The following ALG6 variants were observed in gnomAD, a reference collection of about 807,000 sequenced individuals.
ALG6 encodes the protein ALG6 alpha-1,3-glucosyltransferase.
ALG6 carries 46 observed loss-of-function variants against 66.6 expected under a neutral mutation model. The ratio of observed to expected loss-of-function variants is 0.69; its 90% CI spans 0.55 to 0.88. The LOEUF is 0.88. Among genes scored for constraint, ALG6 ranks in the 40% least tolerant of loss-of-function variants. ALG6 has a pLI of 0.00. For missense variants in ALG6, 505 were observed against 586.8 expected, an observed-to-expected ratio of 0.86 and a Z score of 1.44; for synonymous variants, 185 against 203.7, an observed-to-expected ratio of 0.91 and a Z score of 0.78.
chr1:63,419,146 G>C (rs1644560667), intron 11 of ALG6, among the ~76,000 whole-genome samples: 1 of 152,034 alleles, frequency 6.6e-6, no homozygotes, highest in Non-Finnish European at 1.5e-5. Flanking sequence ...GATGAACTTA[G>C]ATGGTTAAAT....
At chr1:63,410,040 C>T (rs1196648479) in intron 7 of ALG6, among the ~76,000 whole-genome samples, 1 of 152,136 alleles carries the variant, frequency 6.6e-6, no homozygotes, top group Non-Finnish European at 1.5e-5. Context: ...GCACATACTA[C>T]TCAAAGACTG....
chr1:63,406,184 G>A (rs1184992588), intron 5 of ALG6, 133 bp from the exon 6 acceptor site: 5 of 766,204 alleles, frequency 6.5e-6, no homozygotes, highest in African/African-American at 1.7e-5. Flanking sequence ...TGCTGACTGT[G>A]TAAAGGACTT....
chr1:63,417,039 C>CT (rs1644549027), intron 11 of ALG6, among the ~76,000 whole-genome samples: 1 of 152,090 alleles, frequency 6.6e-6, no homozygotes, highest in Middle Eastern at 3.2e-3. Flanking sequence ...AAAAGGATAG[C>CT]TTTATGTTCC....
At position 63,437,954 on chromosome 1, in the gene ALG6, A is replaced by T. The variant is rs1644696094; in HGVS notation, c.*934A>T. 6.6e-6 allele frequency: 1 copy of T among 152,168 alleles called. No individual in the cohort carries two copies. The highest frequency in any genetic ancestry group is 1.5e-5 in the Non-Finnish European group (1 of 68,032). The allele number at this position is 152,168 out of a possible 1,614,324, so 9.4% of individuals were successfully genotyped here. A position where few individuals can be genotyped will look rare whatever the true frequency, so the allele number is the denominator to read the frequency against. ...TTATAGTATTCAACTGGTAAAAATA[A>T]TACATGATATCCATGTTGCAGTTTC... On this transcript the variant is annotated 3_prime_UTR_variant, in exon 15 of 15. Transcript: ENST00000263440.
intron 2 of ALG6, among the ~76,000 whole-genome samples, chr1:63,381,621 G>C (rs1648310420): frequency 6.6e-6 from 1 of 151,680 alleles, no homozygotes. Context: ...CTCCAGCCTG[G>C]GTGACAGAAC....
intron 5 of ALG6, among the ~76,000 whole-genome samples, chr1:63,405,872 C>T (rs1430109925): frequency 6.6e-6 from 1 of 151,188 alleles, no homozygotes; most frequent in Non-Finnish European, 1.5e-5. Flanking sequence ...ACCTGGGTTT[C>T]TCAAGCTCTT....
chr1:63,368,422 A>G (rs1179196141), intron 1 of ALG6, among the ~76,000 whole-genome samples: 2 of 152,204 alleles, frequency 1.3e-5, no homozygotes, highest in Non-Finnish European at 2.9e-5. Context: ...AGTGGGGAAC[A>G]GAGAGCAACG....
At chr1:63,382,580 TCTC>T (rs1325910323) in intron 2 of ALG6, among the ~76,000 whole-genome samples, 3 of 151,978 alleles carry the variant, frequency 2.0e-5, no homozygotes, top group Non-Finnish European at 2.9e-5. Context: ...TTCAAGCAGT[TCTC>T]CTGCCTCAGC....
At chr1:63,401,053 G>C (rs536455434) in intron 3 of ALG6, among the ~76,000 whole-genome samples, 1 of 152,026 alleles carries the variant, frequency 6.6e-6, no homozygotes, top group Non-Finnish European at 1.5e-5. Flanking sequence ...TCTTAGACTC[G>C]CTGCTTCTTG....
chr1:63,381,115 T>C (rs1013354364), intron 2 of ALG6, among the ~76,000 whole-genome samples: 3 of 151,560 alleles, frequency 2.0e-5, no homozygotes, highest in African/African-American at 7.3e-5. Context: ...AGCCCAAAAG[T>C]TTGAGTCCAG....
chr1:63,382,752 T>G (rs2100391235), intron 2 of ALG6, among the ~76,000 whole-genome samples: 1 of 147,984 alleles, frequency 6.8e-6, no homozygotes, highest in Non-Finnish European at 1.5e-5. Context: ...CTCGGCTCAC[T>G]GCAAGCTCTG....
chr1:63,409,379 C>A (rs1165729070), intron 7 of ALG6, among the ~76,000 whole-genome samples: 1 of 151,986 alleles, frequency 6.6e-6, no homozygotes, highest in Non-Finnish European at 1.5e-5. Context: ...GACTCATGTT[C>A]TTCTGTTCTG....
In ALG6 at chr1:63,399,416, G is replaced by T. The variant is rs576559449; in HGVS notation, c.167+2819G>T. ...GGGAGGGGATTGTATGCACGCAGGA[G>T]TCTGAACAGCAGGAGATGGTGTTCT... On this transcript the variant is annotated intron_variant, in intron 3 of 14. Transcript: ENST00000263440. 7.9e-5 allele frequency among the ~76,000 whole-genome samples: 12 copies of T among 152,320 alleles called. 1 individual carries two copies. Among genetic ancestry groups the T allele is most frequent in the African/African-American group, 2.6e-4 (11 of 41,562 alleles).
intron 2 of ALG6, among the ~76,000 whole-genome samples, chr1:63,371,599 T>C (rs1179078123): frequency 6.6e-6 from 1 of 151,018 alleles, no homozygotes; most frequent in Non-Finnish European, 1.5e-5. Context: ...CATTTTATTT[T>C]ATTTTATTTT....
chr1:63,435,236 T>G (rs1470455080), intron 14 of ALG6, among the ~76,000 whole-genome samples: 1 of 152,176 alleles, frequency 6.6e-6, no homozygotes, highest in Non-Finnish European at 1.5e-5. Flanking sequence ...GAGAGGGTTT[T>G]TGTTCTGTTT....
chr1:63,430,087 C>T (rs544945863), intron 14 of ALG6, among the ~76,000 whole-genome samples: 7 of 152,124 alleles, frequency 4.6e-5, no homozygotes, highest in South Asian at 2.1e-4. Context: ...TTCAGTATGT[C>T]GGCCAAGCTG....
At chr1:63,416,198 G>A (rs1644545366) in intron 11 of ALG6, among the ~76,000 whole-genome samples, 1 of 152,128 alleles carries the variant, frequency 6.6e-6, no homozygotes, top group South Asian at 2.1e-4. Flanking sequence ...GGACTACAAA[G>A]TAGAAAACAG....
Position 63,395,602 on chromosome 1 carries a change from T to C in ALG6, c.83-911T>C, listed in dbSNP as rs147759805. Among the ~76,000 whole-genome samples the C allele has an allele frequency of 9.5e-3, 1,452 of 152,222 alleles. 12 individuals carry two copies. The highest frequency in any genetic ancestry group is 0.016 in the Non-Finnish European group (1,085 of 68,002). Reference sequence around the variant, plus strand: ...CCCAGCTACTCGGGAGGCTGAATCATGAGAACCGCTTGAACCCCAGAGGTG... The same window carrying C: ...CCCAGCTACTCGGGAGGCTGAATCACGAGAACCGCTTGAACCCCAGAGGTG... On this transcript the variant is annotated intron_variant, in intron 2 of 14. Coordinates refer to ENST00000263440, the MANE Select transcript of ALG6 (RefSeq NM_013339.4).
At chr1:63,411,397 T>C (rs1319539527) in intron 8 of ALG6, 66 bp downstream of exon 8, 20 of 1,404,088 alleles carry the variant, frequency 1.4e-5, no homozygotes, top group Middle Eastern at 2.1e-4. Context: ...CATACTTACT[T>C]GCAGTAAGAT....
Sources: allele counts gnomAD v4.1 joint callset (sites outside exome capture counted in the v4.1 genomes callset), GRCh38; gene constraint gnomAD v4.1.1; transcripts MANE v1.5; gene names NCBI Gene and HGNC (gene_info 2026-07-23, HGNC 2026-07-21).